Variants in WIPF3 observed in about 807,000 individuals in gnomAD.
WIPF3 encodes the protein WAS/WASL interacting protein family member 3.
A neutral mutation model predicts 38.9 loss-of-function variants in WIPF3; 33 were observed. The ratio of observed to expected loss-of-function variants is 0.85; its 90% CI spans 0.64 to 1.14. WIPF3 has a LOEUF of 1.14. WIPF3 is among the 50% of genes most tolerant of loss of function. The pLI, the probability that WIPF3 is intolerant of heterozygous loss-of-function variation, is 0.00. For missense variants in WIPF3, 711 were observed against 652.5 expected, an observed-to-expected ratio of 1.09 and a Z score of -0.98; for synonymous variants, 324 against 269.3, an observed-to-expected ratio of 1.20 and a Z score of -1.99.
intron 1 of WIPF3, among the ~76,000 whole-genome samples, chr7:29,822,364 T>A (rs1784553388): frequency 6.6e-6 from 1 of 152,176 alleles, no homozygotes; most frequent in African/African-American, 2.4e-5. Context: ...CATCTGTGCC[T>A]GCAAATAATT....
chr7:29,837,704 T>A (rs1430117408), intron 2 of WIPF3, among the ~76,000 whole-genome samples: 3 of 152,302 alleles, frequency 2.0e-5, no homozygotes, highest in African/African-American at 7.2e-5. Flanking sequence ...CAATACATAT[T>A]AAAGGCAAAT....
chr7:29,812,022 T>C (rs1379264348), intron 1 of WIPF3, among the ~76,000 whole-genome samples: 1 of 152,232 alleles, frequency 6.6e-6, no homozygotes, highest in African/African-American at 2.4e-5. Flanking sequence ...AAGGGTGTCA[T>C]TGTGCACATG....
chr7:29,827,849 TA>T (rs1477774846), intron 1 of WIPF3, among the ~76,000 whole-genome samples: 1 of 152,142 alleles, frequency 6.6e-6, no homozygotes, highest in African/African-American at 2.4e-5. Flanking sequence ...GGCTGGAGTG[TA>T]GTGGTACAAT....
chr7:29,869,335 C>G (rs1044586021), intron 2 of WIPF3, among the ~76,000 whole-genome samples: 15 of 152,286 alleles, frequency 9.8e-5, no homozygotes, highest in African/African-American at 3.4e-4. Flanking sequence ...ACCTGTATCC[C>G]CACTCTTAAC....
At chr7:29,864,557 T>TACTGTC in intron 2 of WIPF3, among the ~76,000 whole-genome samples, 1 of 152,244 alleles carries the variant, frequency 6.6e-6, no homozygotes, top group East Asian at 1.9e-4. Context: ...GAAGTACAAA[T>TACTGTC]ACTGTCTGTA....
At chr7:29,869,784 G>C (rs73686261) in intron 2 of WIPF3, among the ~76,000 whole-genome samples, 2 of 152,128 alleles carry the variant, frequency 1.3e-5, no homozygotes, top group African/African-American at 4.8e-5. Flanking sequence ...CTAAAAATTA[G>C]TACTACAATA....
chr7:29,884,559 G>T lies in WIPF3; in HGVS notation c.1065G>T (p.Gln355His), dbSNP rs1234537997. 3 of 1,603,626 alleles carry T rather than the reference G, an allele frequency of 1.9e-6. No individual in the cohort carries two copies. The South Asian group carries it at 3.4e-5, about 18-fold the overall frequency. ...LPAPPAPPGS[Q>H]PFLQKKRHGR... ...CCCCGCCTGCCCCTCCGGGCTCCCA[G>T]CCGTTCCTGCAGAAGAAGAGGCATG... The change falls in exon 5 of 9, where the codon CAG becomes CAT. Residue 355 changes from glutamine to histidine, a missense_variant. Transcript: ENST00000242140.
rs1440607668 is a variant in WIPF3, at chr7:29,844,605, C to T, written c.90+9791C>T. Among the ~76,000 whole-genome samples the T allele has an allele frequency of 6.6e-6, 1 of 152,212 alleles. No homozygotes were observed. Among genetic ancestry groups the T allele is most frequent in the Non-Finnish European group, 1.5e-5 (1 of 68,030 alleles). Reference sequence around the variant, plus strand: ...CTTTCTGGCCATTGAGCCTAACTGCCGTGTGCCCCACTGCCTCCAGCTGCG... The same window carrying T: ...CTTTCTGGCCATTGAGCCTAACTGCTGTGTGCCCCACTGCCTCCAGCTGCG... On this transcript the variant is annotated intron_variant, in intron 2 of 8. Transcript: ENST00000242140. The surrounding 1 kb of genome is among the most constrained non-coding windows in gnomAD (Gnocchi z 4.8).
intron 6 of WIPF3, among the ~76,000 whole-genome samples, chr7:29,888,986 C>G (rs1295397955): frequency 6.6e-6 from 1 of 152,186 alleles, no homozygotes; most frequent in African/African-American, 2.4e-5. Flanking sequence ...ACCTCTGATT[C>G]TGGACCCTGG....
chr7:29,817,735 G>T, intron 1 of WIPF3, among the ~76,000 whole-genome samples: 1 of 151,884 alleles, frequency 6.6e-6, no homozygotes, highest in East Asian at 1.9e-4. Context: ...AATATCAAAT[G>T]GTTTTAATGA....
chr7:29,896,640 C>A (rs1786152004), intron 7 of WIPF3, among the ~76,000 whole-genome samples: 1 of 151,892 alleles, frequency 6.6e-6, no homozygotes, highest in Admixed American at 6.6e-5. Context: ...TTTAAGTTTT[C>A]CTTTTGGGGT....
Position 29,843,171 on chromosome 7 carries a change from T to C in WIPF3, c.90+8357T>C, listed in dbSNP as rs147702234. On this transcript the variant is annotated intron_variant, in intron 2 of 8. Transcript: ENST00000242140. Reference sequence around the variant, plus strand: ...GCAGGAACATGGCTTTAGTGAAAAATGAGCTAGTGTTGGCAGCAGGTTTCC... The same window carrying C: ...GCAGGAACATGGCTTTAGTGAAAAACGAGCTAGTGTTGGCAGCAGGTTTCC... Among the ~76,000 whole-genome samples the C allele has an allele frequency of 2.6e-5, 4 of 152,296 alleles. No individual in the cohort carries two copies. The East Asian group carries it at 7.7e-4, about 29-fold the overall frequency.
intron 1 of WIPF3, among the ~76,000 whole-genome samples, chr7:29,822,328 A>G (rs10230325): frequency 6.6e-6 from 1 of 151,964 alleles, no homozygotes; most frequent in African/African-American, 2.4e-5. Flanking sequence ...TATGTGTGTT[A>G]TAAGACTCAT....
chr7:29,809,968 A>G (rs1784344913), intron 1 of WIPF3, among the ~76,000 whole-genome samples: 1 of 152,112 alleles, frequency 6.6e-6, no homozygotes, highest in African/African-American at 2.4e-5. Context: ...GGACTGTGAG[A>G]GTCAGCTCTT....
chr7:29,912,640 G>C (rs1786525295), intron 8 of WIPF3: 1 of 205,504 alleles, frequency 4.9e-6, no homozygotes, highest in Non-Finnish European at 1.0e-5. Flanking sequence ...ACCTGAACTT[G>C]GAAAAATAAA....
At chr7:29,883,764 G>C in intron 4 of WIPF3, 86 bp from the exon 5 acceptor site, 1 of 1,480,914 alleles carries the variant, frequency 6.8e-7, no homozygotes, top group African/African-American at 1.4e-5. Context: ...ACTGCGGGCA[G>C]GCTTGAGTGT....
chr7:29,863,997 C>T (rs1785345235), intron 2 of WIPF3, among the ~76,000 whole-genome samples: 1 of 152,104 alleles, frequency 6.6e-6, no homozygotes. Context: ...TTTATTTCCT[C>T]CTTCCCAATC....
At chr7:29,834,974 AC>A (rs1325049179) in intron 2 of WIPF3, among the ~76,000 whole-genome samples, 160 bp downstream of exon 2, 3 of 152,004 alleles carry the variant, frequency 2.0e-5, no homozygotes, top group Admixed American at 6.5e-5. Context: ...CTGATTCCAA[AC>A]CAGCCTGGCT....
chr7:29,829,667 A>T (rs966620880), intron 1 of WIPF3, among the ~76,000 whole-genome samples: 1 of 152,254 alleles, frequency 6.6e-6, no homozygotes, highest in Admixed American at 6.5e-5. Flanking sequence ...CCTAATTTAC[A>T]AATGAAGAAA....
Sources: gnomAD v4.1 joint callset for allele counts (sites outside exome capture counted in the v4.1 genomes callset) on GRCh38, gnomAD v4.1.1 for gene constraint, Gnocchi (gnomAD v3.1) non-coding constraint, MANE v1.5 for transcripts, NCBI Gene and HGNC (gene_info 2026-07-23, HGNC 2026-07-21) for gene names.